Variants in MCPH1 observed in about 807,000 individuals in gnomAD.
MCPH1 encodes the protein microcephalin.
MCPH1 carries 104 observed loss-of-function variants against 84.5 expected under a neutral mutation model. The observed-to-expected ratio is 1.23, with a 90% CI of 1.05 to 1.45. MCPH1 has a LOEUF of 1.45. MCPH1 is among the 40% of genes most tolerant of loss of function. The pLI is 0.00. For synonymous variants in MCPH1, 514 were observed against 366.8 expected (o/e 1.40, Z -4.58); for missense variants, 1,498 against 1,005.7 (o/e 1.49, Z -6.62).
At chr8:6,427,655 C>T (rs1336917735) in intron 3 of MCPH1, among the ~76,000 whole-genome samples, 1 of 152,150 alleles carries the variant, frequency 6.6e-6, no homozygotes, top group Admixed American at 6.5e-5. Flanking sequence ...GTTGGGATTA[C>T]ACATGGGAGT....
In MCPH1 at chr8:6,555,465, C is replaced by CTTTT. The variant is rs530250678; in HGVS notation, c.2214+55546_2214+55549dup. ...TTTGTTTTACGGGGGGTGGTTTGCC[C>CTTTT]TTTTTTTTTTTTTGGAGACAGGATC... On this transcript the variant is annotated intron_variant, in intron 12 of 13. Transcript: ENST00000344683. Among the ~76,000 whole-genome samples the CTTTT allele has an allele frequency of 5.3e-3, 753 of 142,606 alleles. 13 individuals carry two copies. The highest frequency in any genetic ancestry group is 0.049 in the East Asian group (244 of 4,936). 93.6% of individuals were successfully genotyped at this position (142,606 alleles called of 152,430 possible). A position where few individuals can be genotyped will look rare whatever the true frequency, so the allele number is the denominator to read the frequency against.
chr8:6,416,926 G>A (rs550920078), intron 3 of MCPH1, among the ~76,000 whole-genome samples: 8 of 151,984 alleles, frequency 5.3e-5, no homozygotes, highest in Admixed American at 1.3e-4. Flanking sequence ...CCTGGGAGAC[G>A]GAGGTTGCAG....
In MCPH1 at chr8:6,571,856, C is replaced by T. The variant is rs1352456607; in HGVS notation, c.2215-49598C>T. Among the ~76,000 whole-genome samples the T allele has an allele frequency of 2.0e-5, 3 of 152,250 alleles. No individual in the cohort carries two copies. The East Asian group carries it at 5.8e-4, about 29-fold the overall frequency. ...TGAAGAATTATAATAAATAGTTACA[C>T]ATAAAAGGAAGTGATGTTTGCTTGA... On this transcript the variant is annotated intron_variant, in intron 12 of 13. Coordinates refer to ENST00000344683, the MANE Select transcript of MCPH1 (RefSeq NM_024596.5).
At chr8:6,478,814 C>T (rs567141078) in intron 10 of MCPH1, among the ~76,000 whole-genome samples, 1 of 152,268 alleles carries the variant, frequency 6.6e-6, no homozygotes, top group African/African-American at 2.4e-5. Context: ...AGCACACATT[C>T]TCGGGTTGAA....
intron 12 of MCPH1, among the ~76,000 whole-genome samples, chr8:6,541,180 A>C (rs1301963809): frequency 1.3e-5 from 2 of 152,190 alleles, no homozygotes; most frequent in Non-Finnish European, 2.9e-5. Context: ...TCCGAGCAGC[A>C]CAAGAGGGTG....
At chr8:6,413,097 G>T (rs1798768650) in intron 2 of MCPH1, among the ~76,000 whole-genome samples, 1 of 152,128 alleles carries the variant, frequency 6.6e-6, no homozygotes, top group Admixed American at 6.6e-5. Context: ...TACATAAAAG[G>T]TAAAATTTTT....
intron 12 of MCPH1, among the ~76,000 whole-genome samples, chr8:6,564,043 G>A (rs1158970211): frequency 6.7e-6 from 1 of 148,980 alleles, no homozygotes; most frequent in Non-Finnish European, 1.5e-5. Context: ...GTGCAGTGGG[G>A]CAATGTTGGC....
chr8:6,424,298 C>G (rs2916767), intron 3 of MCPH1, among the ~76,000 whole-genome samples: 2,012 of 152,226 alleles, frequency 0.013, 44 homozygotes, highest in African/African-American at 0.045. Flanking sequence ...AAACTAACAG[C>G]TAGGTGGGGA....
At chr8:6,514,918 C>A in intron 12 of MCPH1, 3 of 621,894 alleles carry the variant, frequency 4.8e-6, no homozygotes, top group Non-Finnish European at 8.6e-6. Flanking sequence ...AGTAGACCAT[C>A]GGGGTTGTCT....
At chr8:6,483,374 TAGAA>T (rs1278497191) in intron 11 of MCPH1, among the ~76,000 whole-genome samples, 1 of 152,146 alleles carries the variant, frequency 6.6e-6, no homozygotes, top group East Asian at 1.9e-4. Context: ...CAAAACAATT[TAGAA>T]AGGAAAGAAC....
intron 2 of MCPH1, among the ~76,000 whole-genome samples, chr8:6,409,623 C>T (rs1034388422): frequency 6.6e-6 from 1 of 152,002 alleles, no homozygotes; most frequent in African/African-American, 2.4e-5. Context: ...TACTTGAATG[C>T]ATAGTGCTAT....
At chr8:6,434,947 A>G (rs983795214) in intron 4 of MCPH1, among the ~76,000 whole-genome samples, 2 of 152,208 alleles carry the variant, frequency 1.3e-5, no homozygotes, top group Admixed American at 6.5e-5. Context: ...AAAGACGGGA[A>G]GTCAATGGGC....
intron 12 of MCPH1, among the ~76,000 whole-genome samples, chr8:6,587,098 G>T (rs1199419504): frequency 1.3e-5 from 2 of 152,102 alleles, no homozygotes; most frequent in South Asian, 2.1e-4. Flanking sequence ...TGCTGTCGAT[G>T]ATCTGTATTG....
At chr8:6,428,252 C>T (rs956422254) in intron 3 of MCPH1, among the ~76,000 whole-genome samples, 3 of 71,864 alleles carry the variant, frequency 4.2e-5, no homozygotes, top group Non-Finnish European at 1.2e-4. Context: ...TTAATTTTTA[C>T]TTTTAAACTT....
At chr8:6,599,275 T>G (rs556405306) in intron 12 of MCPH1, among the ~76,000 whole-genome samples, 21 of 152,342 alleles carry the variant, frequency 1.4e-4, no homozygotes, top group African/African-American at 4.3e-4. Flanking sequence ...ACAGGAATTA[T>G]CGATACCTTT....
intron 12 of MCPH1, among the ~76,000 whole-genome samples, chr8:6,560,220 A>AT (rs936559809): frequency 2.6e-5 from 4 of 152,090 alleles, no homozygotes; most frequent in Admixed American, 6.6e-5. Flanking sequence ...ATATGGAAAC[A>AT]TTTTTTTCAA....
rs1053803829 is a variant in MCPH1, at chr8:6,480,889, T to C, written c.2136+13T>C. ...CTCTTATGATTGGGTAAGCCCTGTG[T>C]GTGAACTGCGTATTTTAAAACAAGG... On this transcript the variant is annotated intron_variant, in intron 11 of 13. Transcript: ENST00000344683. The C allele has an allele frequency of 6.2e-7, 1 of 1,613,466 alleles. No individual in the cohort carries two copies. Among genetic ancestry groups the C allele is most frequent in the Non-Finnish European group, 8.5e-7 (1 of 1,180,014 alleles).
rs377522481 is a variant in MCPH1 at position 6,623,688 on chromosome 8, C to CAAAAAAAAAA, written c.2452+2018_2452+2027dup. ...CATCTTTTGCCTGGAAACCAACTTCCAAAAAAAAAAAAAAAAAAAAAAAAA... is the reference window on the plus strand; with the variant it reads ...CATCTTTTGCCTGGAAACCAACTTCCAAAAAAAAAAAAAAAAAAAAAAAAAAAAAAAAAAA... On this transcript the variant is annotated intron_variant, in intron 13 of 13. Transcript: ENST00000344683. 1.5e-3 allele frequency among the ~76,000 whole-genome samples: 139 copies of CAAAAAAAAAA among 92,422 alleles called. 21 individuals carry two copies. Among genetic ancestry groups the CAAAAAAAAAA allele is most frequent in the African/African-American group, 5.4e-3 (117 of 21,788 alleles). The allele number at this position is 92,422 out of a possible 152,430, so 60.6% of individuals were successfully genotyped here. A position where few individuals can be genotyped will look rare whatever the true frequency, so the allele number is the denominator to read the frequency against.
intron 12 of MCPH1, among the ~76,000 whole-genome samples, chr8:6,547,867 G>C (rs898848986): frequency 8.6e-5 from 13 of 151,500 alleles, no homozygotes; most frequent in Non-Finnish European, 1.5e-4. Flanking sequence ...GTTTGTTTCA[G>C]TGAGTCATCT....
Sources: allele counts gnomAD v4.1 joint callset (sites outside exome capture counted in the v4.1 genomes callset), GRCh38; gene constraint gnomAD v4.1.1; transcripts MANE v1.5; gene names NCBI Gene and HGNC (gene_info 2026-07-23, HGNC 2026-07-21).